The following ST8SIA2 variants were observed in gnomAD, a reference collection of about 807,000 sequenced individuals.
The protein encoded by ST8SIA2 is ST8 alpha-N-acetyl-neuraminide alpha-2,8-sialyltransferase 2, also known as alpha-2,8-sialyltransferase 8B.
Under a neutral mutation model 37.6 loss-of-function variants are expected in ST8SIA2, and 22 were observed. That is an observed-to-expected ratio of 0.58 (90% CI 0.42 to 0.83). The LOEUF is 0.83. Ranked by LOEUF, ST8SIA2 falls within the 40% of genes least tolerant of loss-of-function variation. The pLI is 0.00. For synonymous variants in ST8SIA2, 205 were observed against 201.2 expected (o/e 1.02, Z -0.16); for missense variants, 382 against 484.7 (o/e 0.79, Z 1.99).
chr15:92,434,723 G>C (rs1447298890), intron 3 of ST8SIA2, among the ~76,000 whole-genome samples: 1 of 152,204 alleles, frequency 6.6e-6, no homozygotes, highest in Admixed American at 6.5e-5. Context: ...TTACTTGTTG[G>C]GGTCTGCCTG....
intron 1 of ST8SIA2, among the ~76,000 whole-genome samples, chr15:92,423,556 G>C (rs1360772229): frequency 6.6e-6 from 1 of 152,256 alleles, no homozygotes; most frequent in Admixed American, 6.5e-5. Context: ...CAAGGCACCA[G>C]CAGGGCAGGG....
At chr15:92,452,156 C>T (rs1242488996) in intron 5 of ST8SIA2, among the ~76,000 whole-genome samples, 2 of 152,040 alleles carry the variant, frequency 1.3e-5, no homozygotes, top group Non-Finnish European at 2.9e-5. Flanking sequence ...ACTGACAGTC[C>T]CACTTTACTG....
intron 1 of ST8SIA2, chr15:92,421,129 G>A (rs898855391): frequency 2.0e-5 from 3 of 152,170 alleles, no homozygotes; most frequent in African/African-American, 7.2e-5. Flanking sequence ...GTCACAATGG[G>A]TCCTGGCTGG....
At chr15:92,451,198 C>T (rs961365260) in intron 5 of ST8SIA2, among the ~76,000 whole-genome samples, 4 of 152,296 alleles carry the variant, frequency 2.6e-5, no homozygotes, top group South Asian at 2.1e-4. Flanking sequence ...TGCATTCTCT[C>T]GCTCTAATGT....
At position 92,438,601 on chromosome 15, in the gene ST8SIA2, T is replaced by G; in HGVS notation, c.539T>G (p.Phe180Cys). Residue 180 changes from phenylalanine (F) to cysteine (C), a missense_variant, in exon 4 of 6, where the codon TTC becomes TGC. Phe to Cys is a radical substitution (Grantham distance 205). Transcript: ENST00000268164. ...GCGQEIDAHS[F>C]VIRCNLAPVQ... is the part of the protein sequence containing the mutation. ...GGGCAGGAGATTGACGCCCACAGCTTCGTCATCAGGTAACATGCCCCAGCA... is the reference window on the plus strand; with the variant it reads ...GGGCAGGAGATTGACGCCCACAGCTGCGTCATCAGGTAACATGCCCCAGCA... 6.2e-7 allele frequency: 1 copy of G among 1,607,148 alleles called. No homozygotes were observed. Among genetic ancestry groups the G allele is most frequent in the Non-Finnish European group, 8.5e-7 (1 of 1,175,964 alleles).
chr15:92,459,861 T>A (rs1391541726), intron 5 of ST8SIA2, among the ~76,000 whole-genome samples: 2 of 152,178 alleles, frequency 1.3e-5, no homozygotes, highest in Non-Finnish European at 2.9e-5. Context: ...CAAAGTAAAA[T>A]TTTAATTAGT....
At chr15:92,456,517 A>G (rs1158486374) in intron 5 of ST8SIA2, among the ~76,000 whole-genome samples, 3 of 152,224 alleles carry the variant, frequency 2.0e-5, no homozygotes, top group Non-Finnish European at 4.4e-5. Flanking sequence ...TAAACAAGTA[A>G]TTCCAGTGTA....
intron 3 of ST8SIA2, among the ~76,000 whole-genome samples, chr15:92,435,627 T>G (rs1156440383): frequency 6.6e-6 from 1 of 152,104 alleles, no homozygotes; most frequent in Non-Finnish European, 1.5e-5. Flanking sequence ...AAGCTTAGTT[T>G]TGGGACCTGT....
intron 1 of ST8SIA2, among the ~76,000 whole-genome samples, chr15:92,416,829 C>T (rs1425203082): frequency 1.3e-5 from 2 of 152,210 alleles, no homozygotes; most frequent in Non-Finnish European, 2.9e-5. Flanking sequence ...CAGCAGGCCC[C>T]GCTCTGAACG....
At chr15:92,399,891 C>T (rs1335130569) in intron 1 of ST8SIA2, among the ~76,000 whole-genome samples, 1 of 152,192 alleles carries the variant, frequency 6.6e-6, no homozygotes, top group Non-Finnish European at 1.5e-5. Flanking sequence ...AATACTTCTT[C>T]GAGAGGGGAT....
At chr15:92,437,636 C>T (rs1053186552) in intron 3 of ST8SIA2, among the ~76,000 whole-genome samples, 1 of 151,930 alleles carries the variant, frequency 6.6e-6, no homozygotes, top group African/African-American at 2.4e-5. Flanking sequence ...GGATGGCAGG[C>T]CATCCTCTCG....
chr15:92,427,276 A>G (rs1290675609), intron 1 of ST8SIA2, among the ~76,000 whole-genome samples: 1 of 151,940 alleles, frequency 6.6e-6, no homozygotes, highest in East Asian at 1.9e-4. Flanking sequence ...AAAAAAAAAA[A>G]AAAAGCAAAG....
chr15:92,394,255 C>G, intron 1 of ST8SIA2, 93 bp downstream of exon 1: 1 of 1,124,890 alleles, frequency 8.9e-7, no homozygotes, highest in South Asian at 1.3e-5. Context: ...TTGTGTGCGC[C>G]GCGCCCCGCT....
At chr15:92,447,091 C>A (rs76845033) in intron 5 of ST8SIA2, among the ~76,000 whole-genome samples, 8 of 152,278 alleles carry the variant, frequency 5.3e-5, no homozygotes, top group African/African-American at 1.9e-4. Context: ...ATAGCTCTGG[C>A]AGGAAATAAT....
At chr15:92,413,770 G>C (rs1293215023) in intron 1 of ST8SIA2, among the ~76,000 whole-genome samples, 1 of 152,238 alleles carries the variant, frequency 6.6e-6, no homozygotes, top group Non-Finnish European at 1.5e-5. Context: ...CTAATCCCTA[G>C]AGAGCGGCAG....
intron 5 of ST8SIA2, among the ~76,000 whole-genome samples, chr15:92,459,796 A>G (rs1038902669): frequency 3.3e-5 from 5 of 152,172 alleles, no homozygotes; most frequent in Admixed American, 6.5e-5. Flanking sequence ...ACGGGGTTTC[A>G]CCATGTTGGC....
chr15:92,404,759 C>T (rs768162932), intron 1 of ST8SIA2, among the ~76,000 whole-genome samples: 3 of 150,434 alleles, frequency 2.0e-5, no homozygotes, highest in Admixed American at 6.7e-5. Flanking sequence ...AGGTTGAACC[C>T]GGGAGGCGGA....
At chr15:92,427,923 C>T (rs2141826272) in intron 1 of ST8SIA2, among the ~76,000 whole-genome samples, 1 of 152,348 alleles carries the variant, frequency 6.6e-6, no homozygotes, top group African/African-American at 2.4e-5. Flanking sequence ...GCGGAGTTTG[C>T]AGTGATGCAC....
rs539787829 is a variant in ST8SIA2 at position 92,394,136 on chromosome 15, C to A, written c.72C>A (p.Asp24Glu). The change falls in exon 1 of 6, where the codon GAC (aspartate) becomes GAA (glutamate). Residue 24 changes from aspartate (D) to glutamate (E), a missense_variant. Physicochemically the swap from Asp to Glu is conservative, Grantham distance 45. Coordinates refer to ENST00000268164, the MANE Select transcript of ST8SIA2 (RefSeq NM_006011.4). ...TCGTGGTCTTCCTCATCTTCGCAGA[C>A]ATCTCAGAGATCGAAGAAGAAATCG... ...TLLVVFLIFA[D>E]ISEIEEEIGN... The A allele has an allele frequency of 6.4e-7, 1 of 1,559,752 alleles. No homozygotes were observed. The highest frequency in any genetic ancestry group is 8.7e-7 in the Non-Finnish European group (1 of 1,150,754).
Sources: allele counts gnomAD v4.1 joint callset (sites outside exome capture counted in the v4.1 genomes callset), GRCh38; gene constraint gnomAD v4.1.1; transcripts MANE v1.5; gene names NCBI Gene and HGNC (gene_info 2026-07-23, HGNC 2026-07-21).